DDX52: variants seen among roughly 807,000 people sequenced by gnomAD.
The protein encoded by DDX52 is DExD-box helicase 52.
Under a neutral mutation model 76.1 loss-of-function variants are expected in DDX52, and 59 were observed. That is an observed-to-expected ratio of 0.78 (90% CI 0.63 to 0.96). DDX52 has a LOEUF of 0.96. Among genes scored for constraint, DDX52 ranks in the 40% least tolerant of loss-of-function variants. The probability of loss-of-function intolerance (pLI) is 0.00; values close to 1 mark genes in which losing one functional copy is unlikely to be tolerated. For missense variants in DDX52, 707 were observed against 703.9 expected (o/e 1.00, Z -0.05); for synonymous variants, 231 against 244.1 (o/e 0.95, Z 0.50).
chr17:37,620,532 A>C (rs2030027509), intron 12 of DDX52: 1 of 199,298 alleles, frequency 5.0e-6, no homozygotes, highest in Non-Finnish European at 1.0e-5. Context: ...AGAAATGTGA[A>C]GTGTTAATCA....
chr17:37,616,374 A>AGT (rs1211071763), intron 14 of DDX52, among the ~76,000 whole-genome samples: 1 of 152,036 alleles, frequency 6.6e-6, no homozygotes, highest in African/African-American at 2.4e-5. Context: ...GGCCAGGTGC[A>AGT]GTGGCTCACA....
At chr17:37,628,918 T>C (rs1428544541) in intron 5 of DDX52, among the ~76,000 whole-genome samples, 2 of 152,184 alleles carry the variant, frequency 1.3e-5, no homozygotes, top group Non-Finnish European at 2.9e-5. Flanking sequence ...TGTATTGTTT[T>C]CAGAATACAG....
intron 14 of DDX52, chr17:37,614,910 A>G (rs1207549336): frequency 6.6e-6 from 1 of 152,352 alleles, no homozygotes; most frequent in Non-Finnish European, 1.5e-5. Context: ...GCAAACTATT[A>G]TTATAGTAAT....
intron 2 of DDX52, among the ~76,000 whole-genome samples, chr17:37,639,096 G>T (rs370121691): frequency 6.6e-6 from 1 of 151,902 alleles, no homozygotes; most frequent in African/African-American, 2.4e-5. Context: ...AACGTAATGC[G>T]CAGAAGGCCA....
intron 9 of DDX52, 69 bp from the exon 10 acceptor site, chr17:37,621,589 G>A (rs907685450): frequency 1.8e-5 from 27 of 1,518,350 alleles, no homozygotes; most frequent in South Asian, 2.6e-5. Context: ...TTCATAATTT[G>A]ATTGTAGCTT....
rs2064385926 is a variant in DDX52 at position 37,613,047 on chromosome 17, C to CA, written c.*1248dup. ...CATCTAAAATATTCAAAGCAAAGTC[C>CA]ACCTGTTCTGACTCTAGAACAAAAA... On this transcript the variant is annotated 3_prime_UTR_variant, in exon 15 of 15. Coordinates refer to ENST00000617633, the MANE Select transcript of DDX52 (RefSeq NM_007010.5). The CA allele has an allele frequency of 6.6e-6, 1 of 152,066 alleles. No individual in the cohort carries two copies. The highest frequency in any genetic ancestry group is 2.1e-4 in the South Asian group (1 of 4,820). 9.4% of individuals were successfully genotyped at this position (152,066 alleles called of 1,614,324 possible).
In DDX52 at chr17:37,610,327, T is replaced by G. The variant is rs1278473912; in HGVS notation, c.*3969A>C. On this transcript the variant is annotated 3_prime_UTR_variant, in exon 15 of 15. Transcript: ENST00000617633. ...TTTTTTTTTTTTTTTTTTGTAGAGA[T>G]AGGATCTATGTTGCCCAGGCTAGTT... The G allele has an allele frequency of 3.4e-5, 4 of 118,920 alleles. 1 individual carries two copies. In the Admixed American group the frequency reaches 3.5e-4, roughly 11 times the overall value. The allele number at this position is 118,920 out of a possible 1,614,324, so 7.4% of individuals were successfully genotyped here. A position where few individuals can be genotyped will look rare whatever the true frequency, so the allele number is the denominator to read the frequency against.
At chr17:37,641,735 CA>C (rs34083749) in intron 2 of DDX52, among the ~76,000 whole-genome samples, 24 of 139,368 alleles carry the variant, frequency 1.7e-4, no homozygotes, top group Admixed American at 5.0e-4. Flanking sequence ...GACTCTGTCT[CA>C]AAAAAAAAAA....
At chr17:37,635,266 G>A (rs78273521) in intron 2 of DDX52, among the ~76,000 whole-genome samples, 43 of 152,010 alleles carry the variant, frequency 2.8e-4, no homozygotes, top group Non-Finnish European at 4.9e-4. Context: ...TATATTTAAA[G>A]TATCTAATTT....
chr17:37,620,819 T>G, intron 12 of DDX52, 54 bp downstream of exon 12: 1 of 1,496,562 alleles, frequency 6.7e-7, no homozygotes, highest in Non-Finnish European at 9.0e-7. Flanking sequence ...AATATACATA[T>G]AAGAATAATG....
chr17:37,625,517 C>G (rs2030321675), intron 8 of DDX52, among the ~76,000 whole-genome samples: 2 of 151,950 alleles, frequency 1.3e-5, no homozygotes. Context: ...AAATGCTCCC[C>G]AAAATATTTT....
intron 2 of DDX52, among the ~76,000 whole-genome samples, chr17:37,636,172 T>C (rs951925872): frequency 6.6e-6 from 1 of 152,242 alleles, no homozygotes; most frequent in Admixed American, 6.5e-5. Context: ...AACCTTGACA[T>C]ATCTCAAGGC....
Position 37,625,884 on chromosome 17 carries a change from C to A in DDX52, c.1136+11G>T, listed in dbSNP as rs1158587274. The A allele has an allele frequency of 6.2e-7, 1 of 1,613,512 alleles. No individual in the cohort carries two copies. The highest frequency in any genetic ancestry group is 2.2e-5 in the East Asian group (1 of 44,890). On this transcript the variant is annotated intron_variant, in intron 8 of 14. Transcript: ENST00000617633. ...AAATCAGTGTGATAATGTTGAGAAA[C>A]AATTAAATACCTTGCTCCAATGGAC...
rs551713589 is a variant in DDX52, at chr17:37,614,474, C to G, written c.1743-121G>C. On this transcript the variant is annotated intron_variant, in intron 14 of 14. Transcript: ENST00000617633. ...CTACTGTGTATCAAATAATGAGGCA[C>G]TAGGAACACAAAGATGCATTAGACA... is the stretch of plus-strand genomic sequence containing the variant. 71 of 921,110 alleles carry G rather than the reference C, an allele frequency of 7.7e-5. 1 individual carries two copies. In the South Asian group the frequency reaches 1.2e-3, roughly 15 times the overall value. 57.1% of individuals were successfully genotyped at this position (921,110 alleles called of 1,614,324 possible). A position where few individuals can be genotyped will look rare whatever the true frequency, so the allele number is the denominator to read the frequency against.
chr17:37,621,117 G>A lies in DDX52; in HGVS notation c.1501+10C>T. ...GGTGACAGAGGGGAAGGAAAAAAAA[G>A]ACAACTCACCTATCCTGTGGATATA... is the stretch of plus-strand genomic sequence containing the variant. On this transcript the variant is annotated intron_variant, in intron 11 of 14. Coordinates refer to ENST00000617633, the MANE Select transcript of DDX52 (RefSeq NM_007010.5). 6.3e-7 allele frequency: 1 copy of A among 1,598,116 alleles called. No individual in the cohort carries two copies. Among genetic ancestry groups the A allele is most frequent in the Non-Finnish European group, 8.5e-7 (1 of 1,173,626 alleles).
intron 2 of DDX52, among the ~76,000 whole-genome samples, chr17:37,639,799 T>C (rs905252631): frequency 6.6e-6 from 1 of 152,002 alleles, no homozygotes; most frequent in African/African-American, 2.4e-5. Flanking sequence ...ACGGCCTAAA[T>C]ACATTTGTTG....
Position 37,624,433 on chromosome 17 carries a change from T to G in DDX52, c.1138A>C (p.Asn380His). 6.2e-7 allele frequency: 1 copy of G among 1,600,980 alleles called. No individual in the cohort carries two copies. Among genetic ancestry groups the G allele is most frequent in the Non-Finnish European group, 8.5e-7 (1 of 1,171,866 alleles). Reference sequence around the variant, plus strand: ...TGTTCTACAGTTTCTACTGCAGAATTCCTGGGAAGAAAATATACCTTGTAG... The same window carrying G: ...TGTTCTACAGTTTCTACTGCAGAATGCCTGGGAAGAAAATATACCTTGTAG... ...NVISVSIGAR[N>H]SAVETVEQEL... is the part of the protein sequence containing the mutation. Residue 380 changes from asparagine (N) to histidine (H), a missense_variant and splice_region_variant, in exon 9 of 15, where the codon AAT becomes CAT. Coordinates refer to ENST00000617633, the MANE Select transcript of DDX52 (RefSeq NM_007010.5).
intron 7 of DDX52, among the ~76,000 whole-genome samples, chr17:37,626,354 G>A (rs1245916819): frequency 2.6e-5 from 4 of 152,130 alleles, no homozygotes. Context: ...ACCGGCTCAT[G>A]GGGGCACTCT....
intron 2 of DDX52, among the ~76,000 whole-genome samples, chr17:37,638,180 T>C (rs909309536): frequency 8.5e-5 from 13 of 152,224 alleles, no homozygotes; most frequent in African/African-American, 2.7e-4. Context: ...GTTTTTTGGA[T>C]GCTCAAGGCA....
Sources: gnomAD v4.1 joint callset for allele counts (sites outside exome capture counted in the v4.1 genomes callset) on GRCh38, gnomAD v4.1.1 for gene constraint, MANE v1.5 for transcripts, NCBI Gene and HGNC (gene_info 2026-07-23, HGNC 2026-07-21) for gene names.